TMEM132B: variants seen among roughly 807,000 people sequenced by gnomAD.
The protein encoded by TMEM132B is transmembrane protein 132B.
TMEM132B carries 18 observed loss-of-function variants against 90.8 expected under a neutral mutation model. The observed-to-expected ratio is 0.20, with a 90% CI of 0.14 to 0.29. The LOEUF (loss-of-function observed/expected upper bound fraction) is 0.29, where lower values mean the gene tolerates loss of function less well. Among genes scored for constraint, TMEM132B ranks in the 10% least tolerant of loss-of-function variants. The pLI is 1.00. For missense variants in TMEM132B, 1,096 were observed against 1,326.8 expected (o/e 0.83, Z 2.70); for synonymous variants, 504 against 523.3 (o/e 0.96, Z 0.50).
chr12:125,563,682 A>G (rs1332161028), intron 4 of TMEM132B, among the ~76,000 whole-genome samples: 3 of 152,204 alleles, frequency 2.0e-5, no homozygotes, highest in Non-Finnish European at 2.9e-5. Context: ...AAAGTGAATA[A>G]GAATCCCGAG....
At chr12:125,248,656 A>G (rs966447824) in intron 1 of TMEM132B, among the ~76,000 whole-genome samples, 1 of 152,194 alleles carries the variant, frequency 6.6e-6, no homozygotes, top group African/African-American at 2.4e-5. Context: ...AGTGTAGTTG[A>G]TTCTGGCTGC....
chr12:125,411,452 G>A (rs1339727767), intron 2 of TMEM132B, among the ~76,000 whole-genome samples: 1 of 151,732 alleles, frequency 6.6e-6, no homozygotes, highest in Non-Finnish European at 1.5e-5. Flanking sequence ...ACCATGGCAT[G>A]GGTATACCTA....
Position 125,611,636 on chromosome 12 carries a change from T to G in TMEM132B, c.1437+27642T>G, listed in dbSNP as rs564350896. On this transcript the variant is annotated intron_variant, in intron 5 of 8. Transcript: ENST00000682704. Reference sequence around the variant, plus strand: ...TTTTCATTAACCTCATAATGTTTTCTAATTTCTCTTGTTATTTATTGGCTG... The same window carrying G: ...TTTTCATTAACCTCATAATGTTTTCGAATTTCTCTTGTTATTTATTGGCTG... Among the ~76,000 whole-genome samples, 10 of 152,294 alleles carry G rather than the reference T, an allele frequency of 6.6e-5. 1 individual carries two copies. In the East Asian group the frequency reaches 1.9e-3, roughly 29 times the overall value.
At chr12:125,544,048 A>G (rs1481106475) in intron 4 of TMEM132B, among the ~76,000 whole-genome samples, 1 of 152,214 alleles carries the variant, frequency 6.6e-6, no homozygotes, top group Non-Finnish European at 1.5e-5. Flanking sequence ...TGTTCCTTGC[A>G]GGGACATGGA....
At chr12:125,549,410 A>G (rs1477179930) in intron 4 of TMEM132B, among the ~76,000 whole-genome samples, 1 of 152,198 alleles carries the variant, frequency 6.6e-6, no homozygotes, top group East Asian at 1.9e-4. Context: ...TCATGGCATC[A>G]TAGGTAGGAG....
chr12:125,533,917 A>G (rs947518050), intron 4 of TMEM132B, among the ~76,000 whole-genome samples: 1 of 152,208 alleles, frequency 6.6e-6, no homozygotes, highest in Non-Finnish European at 1.5e-5. Context: ...ATTTTTAAAC[A>G]ATATATGGAA....
intron 3 of TMEM132B, among the ~76,000 whole-genome samples, chr12:125,501,362 C>A (rs1430563964): frequency 1.3e-5 from 2 of 151,836 alleles, no homozygotes; most frequent in African/African-American, 4.8e-5. Context: ...AACTGGGTAT[C>A]CCATATATAT....
At chr12:125,537,883 C>T (rs772041283) in intron 4 of TMEM132B, among the ~76,000 whole-genome samples, 3 of 152,182 alleles carry the variant, frequency 2.0e-5, no homozygotes, top group Non-Finnish European at 4.4e-5. Context: ...CTCAGTGTCC[C>T]CACTTGCAAC....
At chr12:125,534,337 T>G (rs1162498226) in intron 4 of TMEM132B, among the ~76,000 whole-genome samples, 1 of 152,100 alleles carries the variant, frequency 6.6e-6, no homozygotes, top group Non-Finnish European at 1.5e-5. Context: ...GGAAACATAG[T>G]GAGACTCCTA....
chr12:125,211,953 A>G (rs1305971972), intron 1 of TMEM132B, among the ~76,000 whole-genome samples: 1 of 152,204 alleles, frequency 6.6e-6, no homozygotes, highest in Admixed American at 6.5e-5. Flanking sequence ...ATGGCTTGGA[A>G]GGGAGACACA....
At chr12:125,636,546 G>C (rs983143112) in intron 5 of TMEM132B, among the ~76,000 whole-genome samples, 1 of 152,118 alleles carries the variant, frequency 6.6e-6, no homozygotes, top group African/African-American at 2.4e-5. Context: ...TCTAGTGTAT[G>C]GCTTTCAAAG....
intron 2 of TMEM132B, among the ~76,000 whole-genome samples, chr12:125,373,026 A>G (rs1345055589): frequency 6.6e-6 from 1 of 152,182 alleles, no homozygotes; most frequent in Non-Finnish European, 1.5e-5. Flanking sequence ...CTCTTTGGCA[A>G]TCCTGGCCCC....
intron 1 of TMEM132B, among the ~76,000 whole-genome samples, chr12:125,232,525 G>A (rs1873850548): frequency 6.6e-6 from 1 of 151,628 alleles, no homozygotes; most frequent in East Asian, 1.9e-4. Flanking sequence ...TGAATTCCCA[G>A]CCAATAAACA....
intron 4 of TMEM132B, among the ~76,000 whole-genome samples, chr12:125,544,735 C>T (rs982194332): frequency 2.6e-5 from 4 of 152,030 alleles, no homozygotes; most frequent in Admixed American, 6.6e-5. Flanking sequence ...GTAAAGTGAG[C>T]GAAGGGGAGA....
At chr12:125,205,654 G>T (rs1292510325) in intron 1 of TMEM132B, among the ~76,000 whole-genome samples, 1 of 152,268 alleles carries the variant, frequency 6.6e-6, no homozygotes, top group Non-Finnish European at 1.5e-5. Context: ...CTCTCTGTCT[G>T]TCTCCATGTG....
chr12:125,552,590 G>C (rs77773402), intron 4 of TMEM132B, among the ~76,000 whole-genome samples: 5,422 of 152,154 alleles, frequency 0.036, 176 homozygotes, highest in African/African-American at 0.091. Context: ...ACACTCCCGG[G>C]CCCCTCCCCA....
At chr12:125,360,274 A>C (rs1877918691) in intron 2 of TMEM132B, among the ~76,000 whole-genome samples, 2 of 152,124 alleles carry the variant, frequency 1.3e-5, no homozygotes, top group African/African-American at 4.8e-5. Context: ...TACACCCCAA[A>C]CCTTGATGTA....
intron 2 of TMEM132B, among the ~76,000 whole-genome samples, chr12:125,395,809 T>C (rs1879154070): frequency 6.6e-6 from 1 of 152,224 alleles, no homozygotes; most frequent in South Asian, 2.1e-4. Context: ...GAAAGCAAGC[T>C]CTTTCCATTA....
chr12:125,526,733 G>A (rs1350349378), intron 4 of TMEM132B, among the ~76,000 whole-genome samples: 1 of 151,888 alleles, frequency 6.6e-6, no homozygotes, highest in Non-Finnish European at 1.5e-5. Context: ...GATAGGAAGT[G>A]GGAGAGACCC....
Sources: allele counts gnomAD v4.1 joint callset (sites outside exome capture counted in the v4.1 genomes callset), GRCh38; gene constraint gnomAD v4.1.1; transcripts MANE v1.5; gene names NCBI Gene and HGNC (gene_info 2026-07-23, HGNC 2026-07-21).